IFNGR1: variants seen among roughly 807,000 people sequenced by gnomAD.
IFNGR1 encodes the protein AVP, type 2.
Under a neutral mutation model 35.4 loss-of-function variants are expected in IFNGR1, and 23 were observed. The ratio of observed to expected loss-of-function variants is 0.65; its 90% CI spans 0.47 to 0.92. IFNGR1 has a LOEUF of 0.92. IFNGR1 is among the 40% of genes least tolerant of loss of function. The pLI is 0.00. For synonymous variants in IFNGR1, 199 were observed against 209.5 expected (o/e 0.95, Z 0.43); for missense variants, 533 against 583.4 (o/e 0.91, Z 0.89).
intron 1 of IFNGR1, among the ~76,000 whole-genome samples, chr6:137,213,513 G>GA (rs987623193): frequency 3.3e-5 from 5 of 150,468 alleles, no homozygotes; most frequent in South Asian, 4.2e-4. Flanking sequence ...TTACAATGCA[G>GA]AAAAAAAAAG....
chr6:137,211,879 G>A (rs191753396), intron 1 of IFNGR1, among the ~76,000 whole-genome samples: 56 of 152,112 alleles, frequency 3.7e-4, no homozygotes, highest in African/African-American at 1.3e-3. Context: ...TTTTTCAACC[G>A]GAAAACAGAG....
chr6:137,213,987 C>G (rs553502705), intron 1 of IFNGR1, among the ~76,000 whole-genome samples: 2 of 152,204 alleles, frequency 1.3e-5, no homozygotes, highest in Non-Finnish European at 2.9e-5. Context: ...ATCTGACAAC[C>G]TGCTCACCAA....
chr6:137,214,926 T>C (rs552445915), intron 1 of IFNGR1, among the ~76,000 whole-genome samples: 2 of 152,332 alleles, frequency 1.3e-5, no homozygotes, highest in Admixed American at 1.3e-4. Context: ...GTTAAGTTTG[T>C]TTTTTTAAAA....
rs752113778 is a variant in IFNGR1, at chr6:137,198,047, G to C, written c.1454C>G (p.Ser485Cys). 1 of 1,614,018 alleles carries C rather than the reference G, an allele frequency of 6.2e-7. No homozygotes were observed. The highest frequency in any genetic ancestry group is 1.3e-5 in the African/African-American group (1 of 75,010). Residue 485 changes from serine (S) to cysteine (C), a missense_variant, in exon 7 of 7, where the codon TCC becomes TGC. Physicochemically the swap from Ser to Cys is moderately radical, Grantham distance 112. Transcript: ENST00000367739. ...SLIGYRPTED[S>C]KEFS The stretch of plus-strand genomic sequence containing the variant: ...TAGCTGATCTCATGAAAATTCTTTG[G>C]AATCTTCTGTTGGTCTATAACCAAT...
chr6:137,203,733 GAA>G (rs34561084), intron 4 of IFNGR1, 48 bp from the exon 5 acceptor site: 171,381 of 1,203,148 alleles, frequency 0.14, 6,611 homozygotes, highest in Middle Eastern at 0.18. Context: ...CTTTTAATCT[GAA>G]AAAAAAAAAA....
intron 6 of IFNGR1, among the ~76,000 whole-genome samples, chr6:137,198,849 C>T (rs764118831): frequency 7.9e-5 from 12 of 152,118 alleles, no homozygotes; most frequent in Non-Finnish European, 1.6e-4. Flanking sequence ...AGATATCTTA[C>T]TAATATATGT....
In IFNGR1 at chr6:137,206,994, G is replaced by C. The variant is rs1348102762; in HGVS notation, c.169C>G (p.Pro57Ala). 1 of 1,613,436 alleles carries C rather than the reference G, an allele frequency of 6.2e-7. No individual in the cohort carries two copies. Among genetic ancestry groups the C allele is most frequent in the Non-Finnish European group, 8.5e-7 (1 of 1,179,434 alleles). The change falls in exon 2 of 7, where the codon CCT becomes GCT. Residue 57 changes from proline (P) to alanine (A), a missense_variant. Pro to Ala is a conservative substitution (Grantham distance 27). Transcript: ENST00000367739. Reference sequence around the variant, plus strand: ...TTCTTTACCTCTACGGTAAAAACAGGGACCTGTGGCATGATCTGGTACTCC... The same window carrying C: ...TTCTTTACCTCTACGGTAAAAACAGCGACCTGTGGCATGATCTGGTACTCC... ...YWEYQIMPQV[P>A]VFTVEVKNYG...
chr6:137,214,399 C>T (rs1477408780), intron 1 of IFNGR1, among the ~76,000 whole-genome samples: 1 of 152,212 alleles, frequency 6.6e-6, no homozygotes, highest in Non-Finnish European at 1.5e-5. Flanking sequence ...CAAGGAGCCG[C>T]ATCCCCCAGG....
rs1234791115 is a variant in IFNGR1, at chr6:137,200,951, A to G, written c.791T>C (p.Val264Ala). 6 of 1,611,986 alleles carry G rather than the reference A, an allele frequency of 3.7e-6. No individual in the cohort carries two copies. The highest frequency in any genetic ancestry group is 5.1e-6 in the Non-Finnish European group (6 of 1,178,214). Residue 264 changes from valine to alanine, a missense_variant, in exon 6 of 7, where the codon GTA becomes GCA. Transcript: ENST00000367739. ...ALLLFLVLSLVFICFYIKKIN... is the reference protein window; with the variant it reads ...ALLLFLVLSLAFICFYIKKIN... The stretch of plus-strand genomic sequence containing the variant: ...TTTCTTAATATAAAAACAGATGAAT[A>G]CCAGGCTAAGCACTAGAAAGAGTAG...
chr6:137,203,927 T>C (rs941193920), intron 4 of IFNGR1, among the ~76,000 whole-genome samples: 13 of 152,340 alleles, frequency 8.5e-5, no homozygotes, highest in South Asian at 2.1e-4. Flanking sequence ...GGAATGTTTA[T>C]TGTTAGTTGT....
intron 1 of IFNGR1, 39 bp downstream of exon 1, chr6:137,219,204 G>A (rs753119074): frequency 3.8e-6 from 6 of 1,576,264 alleles, no homozygotes; most frequent in Admixed American, 3.7e-5. Context: ...CCTCCCTCTC[G>A]TCCCGACCCG....
intron 1 of IFNGR1, among the ~76,000 whole-genome samples, chr6:137,217,571 A>T (rs1036974115): frequency 6.6e-6 from 1 of 152,208 alleles, no homozygotes; most frequent in African/African-American, 2.4e-5. Context: ...GTCAGCATCC[A>T]TGATTCCTGC....
At chr6:137,199,510 T>A (rs798251) in intron 6 of IFNGR1, among the ~76,000 whole-genome samples, 47 of 4,420 alleles carry the variant, frequency 0.011, 3 homozygotes, top group Non-Finnish European at 0.014. Context: ...AATATATAAT[T>A]TATAATATAT....
chr6:137,209,865 T>G (rs1175484975), intron 1 of IFNGR1: 1 of 398,562 alleles, frequency 2.5e-6, no homozygotes, highest in Non-Finnish European at 4.4e-6. Context: ...GATTGAACAA[T>G]GGAGCCACAC....
intron 1 of IFNGR1, among the ~76,000 whole-genome samples, chr6:137,214,353 A>T (rs1779641530): frequency 6.6e-6 from 1 of 152,326 alleles, no homozygotes; most frequent in South Asian, 2.1e-4. Context: ...TGATAAAATG[A>T]CTATTTTTCT....
Position 137,219,288 on chromosome 6 carries a change from C to G in IFNGR1, c.40G>C (p.Val14Leu). ...LFLLPLVMQG[V>L]SRAEMGTADL... is the part of the protein sequence containing the mutation. ...GCGGTGCCCATCTCAGCCCTGCTCA[C>G]ACCCTGCATGACAAGGGGTAGGAGA... The change falls in exon 1 of 7, where the codon GTG becomes CTG. Residue 14 changes from valine to leucine, a missense_variant. Transcript: ENST00000367739. 6.2e-7 allele frequency: 1 copy of G among 1,611,900 alleles called. No homozygotes were observed. Among genetic ancestry groups the G allele is most frequent in the Non-Finnish European group, 8.5e-7 (1 of 1,179,206 alleles).
chr6:137,205,018 A>G (rs1307333586), intron 3 of IFNGR1, among the ~76,000 whole-genome samples: 6 of 152,220 alleles, frequency 3.9e-5, no homozygotes, highest in Non-Finnish European at 7.3e-5. Flanking sequence ...TAGTCTTCAC[A>G]TATTACTGTG....
At chr6:137,203,820 T>C in intron 4 of IFNGR1, 135 bp from the exon 5 acceptor site, 1 of 729,976 alleles carries the variant, frequency 1.4e-6, no homozygotes, top group East Asian at 2.7e-5. Flanking sequence ...AAAATAGCTT[T>C]ACTATCAATA....
chr6:137,218,589 T>TCCCCCCCCCCCCC (rs201457622), intron 1 of IFNGR1: 1 of 576,010 alleles, frequency 1.7e-6, no homozygotes, highest in African/African-American at 4.0e-5. Context: ...GCACTTTGAG[T>TCCCCCCCCCCCCC]CCCCCCCCCC....
Sources: allele counts gnomAD v4.1 joint callset (sites outside exome capture counted in the v4.1 genomes callset), GRCh38; gene constraint gnomAD v4.1.1; transcripts MANE v1.5; gene names NCBI Gene and HGNC (gene_info 2026-07-23, HGNC 2026-07-21).